SDR42E1: variants seen among roughly 807,000 people sequenced by gnomAD.
The protein encoded by SDR42E1 is short-chain dehydrogenase/reductase family 42E member 1.
In SDR42E1, 5 loss-of-function variants were observed where a neutral mutation model predicts 2.6. That is an observed-to-expected ratio of 1.94 (90% CI 1.01 to 4.08). SDR42E1 has a LOEUF of 4.08. SDR42E1 is among the 30% of genes most tolerant of loss of function. The pLI, the probability that SDR42E1 is intolerant of heterozygous loss-of-function variation, is 0.00. For missense variants in SDR42E1, 596 were observed against 478.6 expected (o/e 1.25, Z -2.29); for synonymous variants, 231 against 188.3 (o/e 1.23, Z -1.86).
At position 82,000,193 on chromosome 16, in the gene SDR42E1, G is replaced by A. The variant is rs370417195; in HGVS notation, c.100C>T (p.His34Tyr). 6.2e-6 allele frequency: 10 copies of A among 1,609,834 alleles called. No homozygotes were observed. Among genetic ancestry groups the A allele is most frequent in the Non-Finnish European group, 8.5e-6 (10 of 1,177,938 alleles). Reference sequence around the variant, plus strand: ...CTGCTGATGTCAAACAGAATCACATGGACTCCATTTTGGTTCAGGGCACAG... The same window carrying A: ...CTGCTGATGTCAAACAGAATCACATAGACTCCATTTTGGTTCAGGGCACAG... Reference protein sequence around the residue: ...LGCALNQNGVHVILFDISSPA... With the variant: ...LGCALNQNGVYVILFDISSPA... Residue 34 changes from histidine (H) to tyrosine (Y), a missense_variant, in exon 3 of 3, where the codon CAT (histidine) becomes TAT (tyrosine). Physicochemically the swap from His to Tyr is moderately conservative, Grantham distance 83. Transcript: ENST00000328945.
chr16:82,001,961 T>C (rs112265702), intron 1 of SDR42E1, among the ~76,000 whole-genome samples: 5,767 of 137,266 alleles, frequency 0.042, 403 homozygotes, highest in African/African-American at 0.15. Context: ...TGGGTGCGTA[T>C]ACACACACAC....
At chr16:82,007,774 G>C (rs1912989963) in intron 1 of SDR42E1, 1 of 152,180 alleles carries the variant, frequency 6.6e-6, no homozygotes, top group Non-Finnish European at 1.5e-5. Flanking sequence ...GAAGGGTTAA[G>C]ACTCCCAGTT....
intron 1 of SDR42E1, among the ~76,000 whole-genome samples, chr16:82,010,120 C>T (rs924138303): frequency 2.0e-4 from 30 of 152,200 alleles, no homozygotes; most frequent in African/African-American, 6.0e-4. Context: ...TCCATCAAAC[C>T]TCTTAACTTT....
In SDR42E1 at chr16:81,999,140, G is replaced by T. The variant is rs200423929; in HGVS notation, c.1153C>A (p.Leu385Met). ...FLLIIAVLMW[L>M]PSSVILSL Reference sequence around the variant, plus strand: ...AGTGACAGAATCACAGAAGAAGGCAGCCACATGAGAACTGCTATAATCAGG... The same window carrying T: ...AGTGACAGAATCACAGAAGAAGGCATCCACATGAGAACTGCTATAATCAGG... The change falls in exon 3 of 3, where the codon CTG (leucine) becomes ATG (methionine). Residue 385 changes from leucine to methionine, a missense_variant. Transcript: ENST00000328945. 2,271 of 1,613,916 alleles carry T rather than the reference G, an allele frequency of 1.4e-3. 5 individuals carry two copies. Among genetic ancestry groups the T allele is most frequent in the Non-Finnish European group, 1.8e-3 (2,092 of 1,179,982 alleles).
chr16:82,002,056 A>AT lies in SDR42E1; in HGVS notation c.-26-1173dup, dbSNP rs1335254895. ...TGGTTAGGCATGAAGACTGCAAGCA[A>AT]TCAAGAGCCCTACCATTTCTCTTTC... On this transcript the variant is annotated intron_variant, in intron 1 of 2. Transcript: ENST00000328945. Among the ~76,000 whole-genome samples, 10 of 152,000 alleles carry AT rather than the reference A, an allele frequency of 6.6e-5. No individual in the cohort carries two copies. In the East Asian group the frequency reaches 1.9e-3, roughly 29 times the overall value.
chr16:82,000,105 T>C lies in SDR42E1; in HGVS notation c.188A>G (p.Asp63Gly). Residue 63 changes from aspartate to glycine, a missense_variant, in exon 3 of 3, where the codon GAC becomes GGC. Physicochemically the swap from Asp to Gly is moderately conservative, Grantham distance 94. Coordinates refer to ENST00000328945, the MANE Select transcript of SDR42E1 (RefSeq NM_145168.3). ...FIQGDIRHLS[D>G]VEKAFQDADV... ...TGCATCCTGGAAGGCTTTCTCTACG[T>C]CAGACAGGTGGCGGATGTCTCCTTG... 1 of 1,614,234 alleles carries C rather than the reference T, an allele frequency of 6.2e-7. No homozygotes were observed.
intron 1 of SDR42E1, among the ~76,000 whole-genome samples, chr16:82,004,432 G>C (rs1046859560): frequency 6.6e-6 from 1 of 152,246 alleles, no homozygotes; most frequent in Non-Finnish European, 1.5e-5. Context: ...GCTGATGCTT[G>C]AGGGTGAAAA....
Position 81,999,857 on chromosome 16 carries a change from G to T in SDR42E1, c.436C>A (p.His146Asn), listed in dbSNP as rs185391129. 1 of 1,614,180 alleles carries T rather than the reference G, an allele frequency of 6.2e-7. No homozygotes were observed. The highest frequency in any genetic ancestry group is 1.7e-5 in the Admixed American group (1 of 60,024). ...GDESLPYLPL[H>N]LHPDHYSRTK... is the part of the protein sequence containing the mutation. ...CGAGAGTAGTGATCAGGGTGGAGGTGAAGAGGCAGGTAGGGCAGAGATTCA... is the reference window on the plus strand; with the variant it reads ...CGAGAGTAGTGATCAGGGTGGAGGTTAAGAGGCAGGTAGGGCAGAGATTCA... The change falls in exon 3 of 3, where the codon CAC becomes AAC. Residue 146 changes from histidine to asparagine, a missense_variant. By Grantham distance (68) the His-to-Asn change is moderately conservative (BLOSUM62 1). Transcript: ENST00000328945.
At chr16:82,008,743 G>T (rs1009928810) in intron 1 of SDR42E1, among the ~76,000 whole-genome samples, 17 of 152,194 alleles carry the variant, frequency 1.1e-4, no homozygotes, top group African/African-American at 3.9e-4. Flanking sequence ...CCATTTTCTG[G>T]GGAGAAATTC....
rs1323114248 is a variant in SDR42E1, at chr16:81,998,143, T to G, written c.*968A>C. ...ATACATTCCTCATTGGAAGCTGTCT[T>G]CAGAGAGCCAATCTTCTTCCCAGTA... On this transcript the variant is annotated 3_prime_UTR_variant, in exon 3 of 3. Transcript: ENST00000328945. 6.6e-6 allele frequency: 1 copy of G among 152,224 alleles called. No homozygotes were observed. The highest frequency in any genetic ancestry group is 1.5e-5 in the Non-Finnish European group (1 of 68,042). The allele number at this position is 152,224 out of a possible 1,614,324, so 9.4% of individuals were successfully genotyped here.
chr16:82,009,520 C>A (rs11862886), intron 1 of SDR42E1, among the ~76,000 whole-genome samples: 2 of 152,180 alleles, frequency 1.3e-5, no homozygotes, highest in Non-Finnish European at 2.9e-5. Flanking sequence ...GTGACTGCCC[C>A]GCTGGATTTT....
rs977114290 is a variant in SDR42E1 at position 81,989,579 on chromosome 16, G to A, written c.*9532C>T. Reference sequence around the variant, plus strand: ...AAAACCAACACACACCGCTATGGGTGTTTATAGACATCAAAATTTAGAGCA... The same window carrying A: ...AAAACCAACACACACCGCTATGGGTATTTATAGACATCAAAATTTAGAGCA... On this transcript the variant is annotated 3_prime_UTR_variant, in exon 3 of 3. Coordinates refer to ENST00000328945, the MANE Select transcript of SDR42E1 (RefSeq NM_145168.3). The A allele has an allele frequency of 1.3e-5, 2 of 152,200 alleles. No homozygotes were observed. Among genetic ancestry groups the A allele is most frequent in the African/African-American group, 4.8e-5 (2 of 41,448 alleles). 9.4% of individuals were successfully genotyped at this position (152,200 alleles called of 1,614,324 possible).
intron 1 of SDR42E1, among the ~76,000 whole-genome samples, chr16:82,008,060 A>G (rs1331420271): frequency 6.6e-6 from 1 of 152,098 alleles, no homozygotes; most frequent in African/African-American, 2.4e-5. Flanking sequence ...TATTCTCATG[A>G]TAGTAAGTCC....
rs868487736 is a variant in SDR42E1, at chr16:81,997,033, C to T, written c.*2078G>A. 6.6e-6 allele frequency: 1 copy of T among 152,132 alleles called. No individual in the cohort carries two copies. Among genetic ancestry groups the T allele is most frequent in the African/African-American group, 2.4e-5 (1 of 41,414 alleles). The allele number at this position is 152,132 out of a possible 1,614,324, so 9.4% of individuals were successfully genotyped here. ...CTTCTAAGAAGCACAGCGTATTGTC[C>T]CTTGGCAGTCTGAGCAGAAGCTCAC... is the stretch of plus-strand genomic sequence containing the variant. On this transcript the variant is annotated 3_prime_UTR_variant, in exon 3 of 3. Transcript: ENST00000328945.
At chr16:82,003,150 G>C (rs572083616) in intron 1 of SDR42E1, among the ~76,000 whole-genome samples, 1 of 152,204 alleles carries the variant, frequency 6.6e-6, no homozygotes, top group African/African-American at 2.4e-5. Flanking sequence ...GAAATACTAG[G>C]GAAACTGAGC....
At position 82,000,903 on chromosome 16, in the gene SDR42E1, A is replaced by T. The variant is rs749132781; in HGVS notation, c.-26-19T>A. ...ACTGGACCTGAAGAAAGAAGTATGC[A>T]TCACTGTTACTGATCCAAATGCAAA... On this transcript the variant is annotated intron_variant, in intron 1 of 2. Transcript: ENST00000328945. 1 of 1,524,952 alleles carries T rather than the reference A, an allele frequency of 6.6e-7. No homozygotes were observed. Among genetic ancestry groups the T allele is most frequent in the Non-Finnish European group, 9.0e-7 (1 of 1,105,880 alleles). 94.5% of individuals were successfully genotyped at this position (1,524,952 alleles called of 1,614,324 possible).
At chr16:82,009,845 A>C (rs1913069085) in intron 1 of SDR42E1, among the ~76,000 whole-genome samples, 1 of 152,186 alleles carries the variant, frequency 6.6e-6, no homozygotes, top group Non-Finnish European at 1.5e-5. Flanking sequence ...TCTCCACCCA[A>C]ATCTCACCTT....
chr16:82,001,961 T>TACACACACACACACACACACACACACAC (rs375862551), intron 1 of SDR42E1, among the ~76,000 whole-genome samples: 4 of 137,220 alleles, frequency 2.9e-5, no homozygotes, highest in African/African-American at 1.1e-4. Flanking sequence ...TGGGTGCGTA[T>TACACACACACACACACACACACACACAC]ACACACACAC....
intron 1 of SDR42E1, among the ~76,000 whole-genome samples, chr16:82,006,501 A>G (rs894479788): frequency 3.9e-5 from 6 of 152,246 alleles, no homozygotes; most frequent in African/African-American, 1.4e-4. Context: ...GACATATAAA[A>G]TTCAAAAGGG....
Sources: gnomAD v4.1 joint callset for allele counts (sites outside exome capture counted in the v4.1 genomes callset) on GRCh38, gnomAD v4.1.1 for gene constraint, MANE v1.5 for transcripts, NCBI Gene and HGNC (gene_info 2026-07-23, HGNC 2026-07-21) for gene names.